The following PRKN variants were observed in gnomAD, a reference collection of about 807,000 sequenced individuals.
The protein encoded by PRKN is E3 ubiquitin-protein ligase parkin.
PRKN carries 56 observed loss-of-function variants against 59.5 expected under a neutral mutation model. The ratio of observed to expected loss-of-function variants is 0.94; its 90% CI spans 0.76 to 1.18. The LOEUF (loss-of-function observed/expected upper bound fraction) is 1.18, where lower values mean the gene tolerates loss of function less well. PRKN is among the 50% of genes most tolerant of loss of function. PRKN has a pLI of 0.00. For synonymous variants in PRKN, 250 were observed against 222.1 expected, an observed-to-expected ratio of 1.13 and a Z score of -1.12; for missense variants, 657 against 596.4, an observed-to-expected ratio of 1.10 and a Z score of -1.06.
rs746211069 is a variant in PRKN at position 162,727,706 on chromosome 6, GC to G, written c.-39del. 5.3e-5 allele frequency: 82 copies of G among 1,558,388 alleles called. No individual in the cohort carries two copies. Among genetic ancestry groups the G allele is most frequent in the Non-Finnish European group, 7.0e-5 (81 of 1,151,910 alleles). On this transcript the variant is annotated 5_prime_UTR_variant, in exon 1 of 12. Transcript: ENST00000366898. ...GGTGGCGGCTGCGGGCCAGGAACAG[GC>G]CCATGCGCGCAGCGGCGCCAGCCGC...
At chr6:162,339,553 G>A (rs1243232491) in intron 2 of PRKN, among the ~76,000 whole-genome samples, 7 of 147,148 alleles carry the variant, frequency 4.8e-5, no homozygotes, top group Admixed American at 2.7e-4. Context: ...CGCCCCGTCC[G>A]GGAGGTGAGG....
Position 161,666,174 on chromosome 6 carries a change from G to T in PRKN, c.872-96758C>A, listed in dbSNP as rs1280966257. ...AGACAAACCCACTACAGGGCAGGGG[G>T]TCCCCAACCTCCCGAGCCATGGACC... On this transcript the variant is annotated intron_variant, in intron 7 of 11. Coordinates refer to ENST00000366898, the MANE Select transcript of PRKN (RefSeq NM_004562.3). Among the ~76,000 whole-genome samples, 8 of 152,102 alleles carry T rather than the reference G, an allele frequency of 5.3e-5. No individual in the cohort carries two copies. In the East Asian group the frequency reaches 1.2e-3, roughly 22 times the overall value.
At chr6:162,436,815 G>T (rs2128165127) in intron 2 of PRKN, among the ~76,000 whole-genome samples, 1 of 149,164 alleles carries the variant, frequency 6.7e-6, no homozygotes, top group East Asian at 2.0e-4. Flanking sequence ...AAAGAGGCCA[G>T]GAGTGGTGGC....
In PRKN at chr6:161,604,931, C is replaced by A. The variant is rs1437975308; in HGVS notation, c.872-35515G>T. ...GCCTGGGCGACAAGTGAGATTCTGT[C>A]CCCAAAAAAGAGAGAAATCTGACAC... On this transcript the variant is annotated intron_variant, in intron 7 of 11. Transcript: ENST00000366898. Among the ~76,000 whole-genome samples, 3 of 151,884 alleles carry A rather than the reference C, an allele frequency of 2.0e-5. No homozygotes were observed. In the East Asian group the frequency reaches 5.8e-4, roughly 29 times the overall value.
intron 7 of PRKN, among the ~76,000 whole-genome samples, chr6:161,747,454 A>G (rs1311289873): frequency 6.6e-6 from 1 of 151,670 alleles, no homozygotes; most frequent in East Asian, 1.9e-4. Context: ...AGAGAAAGAG[A>G]GAGAGAGGAT....
intron 5 of PRKN, among the ~76,000 whole-genome samples, chr6:162,038,075 T>C (rs1011583716): frequency 5.3e-5 from 8 of 151,636 alleles, no homozygotes; most frequent in Admixed American, 2.6e-4. Context: ...ATAAAACTTT[T>C]CCTAAGCCAT....
intron 5 of PRKN, among the ~76,000 whole-genome samples, chr6:162,017,324 T>G (rs1782967586): frequency 6.6e-6 from 1 of 152,164 alleles, no homozygotes; most frequent in Non-Finnish European, 1.5e-5. Context: ...TTTACATGCA[T>G]GTACATGTTA....
intron 3 of PRKN, among the ~76,000 whole-genome samples, chr6:162,201,684 A>T (rs1370259157): frequency 2.6e-5 from 4 of 152,188 alleles, no homozygotes; most frequent in Admixed American, 2.6e-4. Flanking sequence ...GAGAAAAACC[A>T]GCCCATTTAT....
intron 4 of PRKN, among the ~76,000 whole-genome samples, chr6:162,078,469 T>C (rs1778923876): frequency 6.6e-6 from 1 of 152,046 alleles, no homozygotes; most frequent in Non-Finnish European, 1.5e-5. Context: ...TATGCTCTGG[T>C]TTAAGGAAAT....
chr6:161,738,673 G>A (rs1788067325), intron 7 of PRKN, among the ~76,000 whole-genome samples: 1 of 152,118 alleles, frequency 6.6e-6, no homozygotes, highest in African/African-American at 2.4e-5. Flanking sequence ...AGGTGTAGAG[G>A]CTGCTCCCCG....
rs1415275852 is a variant in PRKN at position 161,765,030 on chromosome 6, A to C, written c.871+20742T>G. On this transcript the variant is annotated intron_variant, in intron 7 of 11. Transcript: ENST00000366898. ...AAAGCAATTTTGTAAAATGCCTTGG[A>C]GTGGTTAAATATGTAATTGGGTAAT... 3.3e-5 allele frequency among the ~76,000 whole-genome samples: 5 copies of C among 152,204 alleles called. No individual in the cohort carries two copies. The East Asian group carries it at 9.6e-4, about 29-fold the overall frequency.
intron 2 of PRKN, among the ~76,000 whole-genome samples, chr6:162,308,711 T>G (rs1782343415): frequency 6.6e-6 from 1 of 152,166 alleles, no homozygotes; most frequent in Non-Finnish European, 1.5e-5. Context: ...AATAGCTTCC[T>G]TCAGAAGAAA....
At chr6:161,421,189 GT>G (rs1417382871) in intron 9 of PRKN, among the ~76,000 whole-genome samples, 30 of 152,218 alleles carry the variant, frequency 2.0e-4, no homozygotes, top group African/African-American at 7.0e-4. Context: ...CACCAGGAGA[GT>G]TGAGGCATTC....
chr6:161,620,974 C>T (rs1241429040), intron 7 of PRKN, among the ~76,000 whole-genome samples: 1 of 152,044 alleles, frequency 6.6e-6, no homozygotes, highest in Non-Finnish European at 1.5e-5. Context: ...GATGACTATC[C>T]AGGGGGATTC....
intron 4 of PRKN, among the ~76,000 whole-genome samples, chr6:162,084,466 T>C (rs111890216): frequency 1.8e-4 from 28 of 152,258 alleles, no homozygotes; most frequent in African/African-American, 6.5e-4. Flanking sequence ...TCACTATATG[T>C]AGAACATTCT....
intron 1 of PRKN, among the ~76,000 whole-genome samples, chr6:162,663,879 T>G (rs1276008480): frequency 6.6e-6 from 1 of 152,152 alleles, no homozygotes; most frequent in East Asian, 1.9e-4. Flanking sequence ...ACAATACTTT[T>G]TTTTTCATTT....
Position 161,901,950 on chromosome 6 carries a change from C to A in PRKN, c.734+71352G>T, listed in dbSNP as rs76258293. On this transcript the variant is annotated intron_variant, in intron 6 of 11. Transcript: ENST00000366898. ...GTGGGATGCCGAGTCATGGAGCCAGCAGCCTAACCTGGCCTGCACATTAAG... is the reference window on the plus strand; with the variant it reads ...GTGGGATGCCGAGTCATGGAGCCAGAAGCCTAACCTGGCCTGCACATTAAG... Among the ~76,000 whole-genome samples, 1,447 of 152,286 alleles carry A rather than the reference C, an allele frequency of 9.5e-3. 19 individuals carry two copies. The highest frequency in any genetic ancestry group is 0.033 in the African/African-American group (1,364 of 41,566).
chr6:162,095,209 AT>A (rs1199029526), intron 4 of PRKN, among the ~76,000 whole-genome samples: 3 of 152,206 alleles, frequency 2.0e-5, no homozygotes, highest in Non-Finnish European at 4.4e-5. Context: ...GATCAAATAT[AT>A]TTTGAAAGAA....
intron 4 of PRKN, among the ~76,000 whole-genome samples, chr6:162,117,865 G>C (rs1183933916): frequency 6.6e-6 from 1 of 152,196 alleles, no homozygotes; most frequent in Non-Finnish European, 1.5e-5. Flanking sequence ...GGGAGGCTGA[G>C]ATGGGTGGAT....
Sources: gnomAD v4.1 joint callset for allele counts (sites outside exome capture counted in the v4.1 genomes callset) on GRCh38, gnomAD v4.1.1 for gene constraint, MANE v1.5 for transcripts, NCBI Gene and HGNC (gene_info 2026-07-23, HGNC 2026-07-21) for gene names.